The following PGBD2 variants were observed in gnomAD, a reference collection of about 807,000 sequenced individuals.
PGBD2 encodes the protein piggyBac transposable element derived 2.
Under a neutral mutation model 8.1 loss-of-function variants are expected in PGBD2, and 6 were observed. The observed-to-expected ratio is 0.74, with a 90% CI of 0.40 to 1.46. The LOEUF (loss-of-function observed/expected upper bound fraction) is 1.46. PGBD2 is among the 40% of genes most tolerant of loss of function. PGBD2 has a pLI of 0.02. For missense variants in PGBD2, 802 were observed against 739.0 expected, an observed-to-expected ratio of 1.09 and a Z score of -0.99; for synonymous variants, 318 against 272.2, an observed-to-expected ratio of 1.17 and a Z score of -1.66.
At chr1:248,898,214 C>T in the PGBD2 span, among the ~76,000 whole-genome samples, 22 of 152,230 alleles carry the variant, frequency 1.4e-4, no homozygotes, top group Non-Finnish European at 2.9e-4. Context: ...AGTGTACCAA[C>T]TCCACCAAGG....
intron 1 of PGBD2, among the ~76,000 whole-genome samples, chr1:248,908,870 G>A (rs1201645511): frequency 6.6e-6 from 1 of 151,816 alleles, no homozygotes; most frequent in Non-Finnish European, 1.5e-5. Context: ...GCCTGCTGAG[G>A]GAATTGTTAC....
intron 1 of PGBD2, among the ~76,000 whole-genome samples, chr1:248,911,279 T>C (rs574348714): frequency 2.8e-4 from 42 of 151,438 alleles, no homozygotes; most frequent in Non-Finnish European, 3.5e-4. Flanking sequence ...CTGCAGTGTT[T>C]GTGTCCCTGG....
intron 1 of PGBD2, among the ~76,000 whole-genome samples, chr1:248,911,997 TAGAA>T (rs1377295209): frequency 2.0e-5 from 3 of 152,070 alleles, no homozygotes; most frequent in African/African-American, 7.3e-5. Flanking sequence ...TTAAAATGCA[TAGAA>T]AGTTTAATAT....
chr1:248,874,931 T>TAGATAGATAGATAGATAGACAGACAGAC, the PGBD2 span, among the ~76,000 whole-genome samples: 4 of 148,682 alleles, frequency 2.7e-5, no homozygotes, highest in African/African-American at 7.8e-5. Flanking sequence ...GATAGATAGA[T>TAGATAGATAGATAGATAGACAGACAGAC]AGATAGATAG....
the PGBD2 span, among the ~76,000 whole-genome samples, chr1:248,926,871 G>T: frequency 6.6e-6 from 1 of 151,992 alleles, no homozygotes; most frequent in South Asian, 2.1e-4. Context: ...CCTATGAATG[G>T]CAGAGATCTA....
the PGBD2 span, among the ~76,000 whole-genome samples, chr1:248,889,146 A>G: frequency 0.035 from 5,279 of 152,228 alleles, 305 homozygotes; most frequent in African/African-American, 0.12. Flanking sequence ...CAGCACTTTG[A>G]GAGGCCAAGG....
the PGBD2 span, among the ~76,000 whole-genome samples, chr1:248,896,742 G>C: frequency 6.6e-6 from 1 of 152,222 alleles, no homozygotes; most frequent in Non-Finnish European, 1.5e-5. Flanking sequence ...CTTCAACTGA[G>C]ATATCCAGTT....
chr1:248,912,422 C>T (rs1288954462), intron 1 of PGBD2, among the ~76,000 whole-genome samples: 1 of 152,170 alleles, frequency 6.6e-6, no homozygotes, highest in African/African-American at 2.4e-5. Context: ...CACTTCTTTC[C>T]ATGCCTCAGT....
the PGBD2 span, among the ~76,000 whole-genome samples, chr1:248,875,616 C>T: frequency 6.6e-6 from 1 of 152,134 alleles, no homozygotes; most frequent in Non-Finnish European, 1.5e-5. Flanking sequence ...ATCTTCTTAA[C>T]ATTTTGTAAT....
At chr1:248,897,698 G>C in the PGBD2 span, among the ~76,000 whole-genome samples, 1 of 152,162 alleles carries the variant, frequency 6.6e-6, no homozygotes, top group Non-Finnish European at 1.5e-5. Flanking sequence ...GTTCCTGTAG[G>C]AAGGGGGCTG....
rs531409300 is a variant in PGBD2, at chr1:248,917,612, T to C, written c.1028T>C (p.Phe343Ser). 73 of 1,614,224 alleles carry C rather than the reference T, an allele frequency of 4.5e-5. No homozygotes were observed. In the South Asian group the frequency reaches 7.4e-4, roughly 16 times the overall value. The change falls in exon 3 of 3, where the codon TTT becomes TCT. Residue 343 changes from phenylalanine to serine, a missense_variant. Transcript: ENST00000329291. ...GTGGATGCGCTTCAGGAGCGTGGTT[T>C]TCTGCCATATCACATATTTTTTGAC... The part of the protein sequence containing the change: ...KFVDALQERG[F>S]LPYHIFFDKV...
the PGBD2 span, among the ~76,000 whole-genome samples, chr1:248,928,446 G>T: frequency 6.6e-6 from 1 of 152,162 alleles, no homozygotes; most frequent in African/African-American, 2.4e-5. Context: ...GGGAACACAG[G>T]TAGCTCTAAT....
At chr1:248,909,660 T>G (rs1661793413) in intron 1 of PGBD2, among the ~76,000 whole-genome samples, 2 of 152,122 alleles carry the variant, frequency 1.3e-5, no homozygotes, top group African/African-American at 4.8e-5. Context: ...CAGTCTATTG[T>G]GGTGAAAGCT....
the PGBD2 span, among the ~76,000 whole-genome samples, chr1:248,876,534 A>G: frequency 6.6e-6 from 1 of 152,208 alleles, no homozygotes; most frequent in Non-Finnish European, 1.5e-5. Flanking sequence ...GCATTTTGTA[A>G]AAGAGATGTC....
At chr1:248,906,065 G>T (rs1661621209), upstream of PGBD2, 1 of 152,004 alleles carries the variant, frequency 6.6e-6, no homozygotes, top group African/African-American at 2.4e-5. Context: ...GGGAAGAGCT[G>T]GCCCGCTGGG....
At chr1:248,890,676 T>A in the PGBD2 span, among the ~76,000 whole-genome samples, 1 of 150,068 alleles carries the variant, frequency 6.7e-6, no homozygotes, top group Non-Finnish European at 1.5e-5. Flanking sequence ...GATACACACA[T>A]GCACCATACA....
chr1:248,907,883 T>G (rs1403541825), intron 1 of PGBD2, among the ~76,000 whole-genome samples: 1 of 152,198 alleles, frequency 6.6e-6, no homozygotes, highest in Non-Finnish European at 1.5e-5. Context: ...ACAGTAGCAG[T>G]CTGACTTCTC....
chr1:248,926,770 C>T, the PGBD2 span, among the ~76,000 whole-genome samples: 1 of 151,432 alleles, frequency 6.6e-6, no homozygotes, highest in Non-Finnish European at 1.5e-5. Context: ...CTGAAATGAA[C>T]CAGCAGAAAT....
At position 248,918,016 on chromosome 1, in the gene PGBD2, C is replaced by T. The variant is rs371648596; in HGVS notation, c.1432C>T (p.Arg478Ter). 19 of 1,613,906 alleles carry T rather than the reference C, an allele frequency of 1.2e-5. No homozygotes were observed. The highest frequency in any genetic ancestry group is 2.7e-5 in the African/African-American group (2 of 74,854). Residue 478 changes from arginine to a stop codon, truncating the protein, a stop_gained, in exon 3 of 3, where the codon CGA (arginine) becomes TGA (stop). Transcript: ENST00000329291. LOFTEE classifies it low-confidence loss of function (END_TRUNC). ...QNIAKYKVKI[R>*]GMKWYSSFIG... Reference sequence around the variant, plus strand: ...TATTGCCAAGTACAAGGTGAAGATCCGAGGCATGAAGTGGTACTCAAGCTT... The same window carrying T: ...TATTGCCAAGTACAAGGTGAAGATCTGAGGCATGAAGTGGTACTCAAGCTT...
Sources: allele counts gnomAD v4.1 joint callset (sites outside exome capture counted in the v4.1 genomes callset), GRCh38; gene constraint gnomAD v4.1.1; transcripts MANE v1.5; gene names NCBI Gene and HGNC (gene_info 2026-07-23, HGNC 2026-07-21).